INSR: variants seen among roughly 807,000 people sequenced by gnomAD.
The protein encoded by INSR is IR.
Under a neutral mutation model 142.6 loss-of-function variants are expected in INSR, and 67 were observed. The ratio of observed to expected loss-of-function variants is 0.47; its 90% CI spans 0.39 to 0.58. The LOEUF (loss-of-function observed/expected upper bound fraction) is 0.58, where lower values mean the gene tolerates loss of function less well. Ranked by LOEUF, INSR falls within the 20% of genes least tolerant of loss-of-function variation. The pLI, the probability that INSR is intolerant of heterozygous loss-of-function variation, is 0.00. For missense variants in INSR, 1,248 were observed against 1,833.2 expected, an observed-to-expected ratio of 0.68 and a Z score of 5.83; for synonymous variants, 756 against 743.1, an observed-to-expected ratio of 1.02 and a Z score of -0.28.
At chr19:7,268,515 C>G in intron 1 of INSR, 1 of 985,376 alleles carries the variant, frequency 1.0e-6, no homozygotes, top group Non-Finnish European at 1.2e-6. Context: ...CAACGCCCAC[C>G]ATGGCTCCCC....
Position 7,267,949 on chromosome 19 carries a change from T to G in INSR, c.101-53A>C. 2.7e-6 allele frequency: 4 copies of G among 1,469,446 alleles called. No homozygotes were observed. Among genetic ancestry groups the G allele is most frequent in the Non-Finnish European group, 2.8e-6 (3 of 1,060,108 alleles). The allele number at this position is 1,469,446 out of a possible 1,614,324, so 91.0% of individuals were successfully genotyped here. ...GACAGGTGAGCAGACGCACGGTGGATGCATCAGAAGGATCAGGGGCAGAGC... is the reference window on the plus strand; with the variant it reads ...GACAGGTGAGCAGACGCACGGTGGAGGCATCAGAAGGATCAGGGGCAGAGC... On this transcript the variant is annotated intron_variant, in intron 1 of 21. Transcript: ENST00000302850. This position sits in a 1 kb window ranked among gnomAD's most constrained non-coding sequence, Gnocchi z 6.3.
chr19:7,254,533 A>C (rs1976831633), intron 2 of INSR, among the ~76,000 whole-genome samples: 2 of 152,142 alleles, frequency 1.3e-5, no homozygotes, highest in South Asian at 4.1e-4. Context: ...CATCTCAAAA[A>C]CAAACAAACA....
chr19:7,233,897 C>T (rs943630622), intron 2 of INSR, among the ~76,000 whole-genome samples: 2 of 151,416 alleles, frequency 1.3e-5, no homozygotes, highest in African/African-American at 4.9e-5. Flanking sequence ...AGGATGGTCT[C>T]GATCTCCTGA....
intron 2 of INSR, among the ~76,000 whole-genome samples, chr19:7,201,158 T>C (rs1420988521): frequency 1.3e-5 from 2 of 152,130 alleles, no homozygotes; most frequent in African/African-American, 4.8e-5. Flanking sequence ...TATTTAGAAA[T>C]TACTGATAAT....
At chr19:7,214,368 C>T (rs1600032734) in intron 2 of INSR, among the ~76,000 whole-genome samples, 3 of 152,298 alleles carry the variant, frequency 2.0e-5, no homozygotes, top group East Asian at 3.9e-4. Context: ...AGAGAAACTT[C>T]AAGACAAGAC....
chr19:7,276,008 C>T (rs977930909), intron 1 of INSR, among the ~76,000 whole-genome samples: 1 of 151,358 alleles, frequency 6.6e-6, no homozygotes, highest in African/African-American at 2.4e-5. Context: ...CCCTGATTTT[C>T]TCTCCATCAT....
chr19:7,250,307 G>A (rs1976671597), intron 2 of INSR, among the ~76,000 whole-genome samples: 1 of 144,790 alleles, frequency 6.9e-6, no homozygotes, highest in African/African-American at 2.6e-5. Flanking sequence ...GGGAGGGGAG[G>A]GGAGAAAAAT....
intron 17 of INSR, chr19:7,123,242 C>T (rs145327900): frequency 2.1e-6 from 1 of 465,684 alleles, no homozygotes; most frequent in African/African-American, 2.0e-5. Context: ...GATCTCGGCT[C>T]ACTGCAACCT....
chr19:7,132,360 C>A, intron 13 of INSR, 43 bp from the exon 14 acceptor site: 1 of 1,603,070 alleles, frequency 6.2e-7, no homozygotes, highest in Non-Finnish European at 8.5e-7. Flanking sequence ...CTGAGCTTTG[C>A]ACATCTGGGA....
chr19:7,256,857 G>A (rs1334244839), intron 2 of INSR, among the ~76,000 whole-genome samples: 2 of 147,062 alleles, frequency 1.4e-5, no homozygotes, highest in Non-Finnish European at 3.0e-5. Flanking sequence ...AAAGATCTTT[G>A]ACAACATAAA....
intron 15 of INSR, among the ~76,000 whole-genome samples, 179 bp downstream of exon 15, chr19:7,128,673 G>A (rs1457779412): frequency 2.0e-5 from 3 of 150,502 alleles, no homozygotes; most frequent in Admixed American, 6.6e-5. Flanking sequence ...TGTCTAGAGG[G>A]AATTTACAAT....
intron 2 of INSR, among the ~76,000 whole-genome samples, chr19:7,189,650 T>C (rs1974522728): frequency 6.6e-6 from 1 of 151,504 alleles, no homozygotes; most frequent in South Asian, 2.1e-4. Context: ...TACCTGTAAT[T>C]GATTTTACTA....
intron 2 of INSR, among the ~76,000 whole-genome samples, chr19:7,255,826 G>A (rs1241511587): frequency 6.6e-6 from 1 of 151,900 alleles, no homozygotes; most frequent in Non-Finnish European, 1.5e-5. Flanking sequence ...TGATCCTCCT[G>A]CCTCGGCCTC....
intron 2 of INSR, among the ~76,000 whole-genome samples, chr19:7,245,226 G>A (rs763972127): frequency 5.3e-5 from 8 of 151,770 alleles, no homozygotes; most frequent in African/African-American, 9.7e-5. Context: ...GTGAGCCACC[G>A]CGCCCAGCCC....
chr19:7,195,292 T>G (rs1332453864), intron 2 of INSR, among the ~76,000 whole-genome samples: 1 of 151,622 alleles, frequency 6.6e-6, no homozygotes, highest in Non-Finnish European at 1.5e-5. Flanking sequence ...TCTTTCCATA[T>G]ATTACTAACC....
intron 2 of INSR, among the ~76,000 whole-genome samples, chr19:7,262,363 G>A (rs1021781863): frequency 5.9e-5 from 9 of 152,126 alleles, no homozygotes; most frequent in Admixed American, 5.2e-4. Flanking sequence ...TCCGAGCCAC[G>A]CGGGAGGCTG....
intron 13 of INSR, among the ~76,000 whole-genome samples, chr19:7,135,426 C>T (rs1381514585): frequency 1.4e-5 from 2 of 145,308 alleles, no homozygotes; most frequent in Non-Finnish European, 3.0e-5. Flanking sequence ...AGCGATTCTC[C>T]TGCCTCAGCC....
chr19:7,144,600 C>T (rs748659460), intron 11 of INSR, among the ~76,000 whole-genome samples: 7 of 151,922 alleles, frequency 4.6e-5, no homozygotes, highest in Non-Finnish European at 7.4e-5. Context: ...GACGGAGTTT[C>T]GCCATGTTGG....
intron 2 of INSR, among the ~76,000 whole-genome samples, chr19:7,213,059 C>T (rs1439920579): frequency 6.6e-6 from 1 of 151,800 alleles, no homozygotes; most frequent in African/African-American, 2.4e-5. Flanking sequence ...TAAACCACTA[C>T]AGGGGGCCGG....
Sources: allele counts gnomAD v4.1 joint callset (sites outside exome capture counted in the v4.1 genomes callset), GRCh38; gene constraint gnomAD v4.1.1; non-coding constraint Gnocchi (gnomAD v3.1); transcripts MANE v1.5; gene names NCBI Gene and HGNC (gene_info 2026-07-23, HGNC 2026-07-21).